Variants in ABCB7 observed in about 807,000 individuals in gnomAD.
ABCB7 encodes iron-sulfur clusters transporter ABCB7, mitochondrial.
A neutral mutation model predicts 54.4 loss-of-function variants in ABCB7; 7 were observed. That is an observed-to-expected ratio of 0.13 (90% confidence interval 0.07 to 0.24). The LOEUF (loss-of-function observed/expected upper bound fraction) is 0.24, where lower values mean the gene tolerates loss of function less well. Among genes scored for constraint, ABCB7 ranks in the 10% least tolerant of loss-of-function variants. The pLI is 1.00. For missense variants in ABCB7, 356 were observed against 570.4 expected, an observed-to-expected ratio of 0.62 and a Z score of 3.83; for synonymous variants, 218 against 207.1, an observed-to-expected ratio of 1.05 and a Z score of -0.45.
At chrX:75,128,947 C>A (rs187587489) in intron 1 of ABCB7, among the ~76,000 whole-genome samples, 181 of 111,958 alleles carry the variant, frequency 1.6e-3, no homozygotes, top group Non-Finnish European at 3.0e-3. Flanking sequence ...CAGGAAAGAA[C>A]AGATGCTGGA....
At chrX:75,075,711 A>C (rs1211137727) in intron 5 of ABCB7, 81 bp from the exon 6 acceptor site, 11 of 940,442 alleles carry the variant, frequency 1.2e-5, no homozygotes, top group Non-Finnish European at 1.3e-5. Flanking sequence ...GGCTCAGAAA[A>C]TGTTTGTACA....
intron 3 of ABCB7, among the ~76,000 whole-genome samples, chrX:75,104,963 T>C (rs1392101056): frequency 8.9e-6 from 1 of 111,936 alleles, no homozygotes; most frequent in Non-Finnish European, 1.9e-5. Flanking sequence ...TCTCAATAGA[T>C]GCAGAAAAAG....
In ABCB7 at chrX:75,134,030, A is replaced by C. The variant is rs185332653; in HGVS notation, c.169-19199T>G. 2.5e-4 allele frequency among the ~76,000 whole-genome samples: 28 copies of C among 112,461 alleles called. 1 individual carries two copies. Among genetic ancestry groups the C allele is most frequent in the Non-Finnish European group, 4.7e-4 (25 of 53,278 alleles). ...GAGTTAAATGCTACACTTATAAGGCAAACAGTGGCAAGTTGCATAAAGAAA... is the reference window on the plus strand; with the variant it reads ...GAGTTAAATGCTACACTTATAAGGCCAACAGTGGCAAGTTGCATAAAGAAA... On this transcript the variant is annotated intron_variant, in intron 1 of 15. Transcript: ENST00000373394.
intron 4 of ABCB7, among the ~76,000 whole-genome samples, chrX:75,088,875 CAAA>C (rs1249446474): frequency 1.8e-4 from 18 of 98,386 alleles, no homozygotes; most frequent in African/African-American, 5.7e-4. Context: ...ACAACAACAA[CAAA>C]AAAAAAACTC....
intron 1 of ABCB7, among the ~76,000 whole-genome samples, chrX:75,146,762 A>G (rs1332959503): frequency 8.9e-6 from 1 of 112,083 alleles, no homozygotes; most frequent in Admixed American, 9.5e-5. Context: ...GACACGGGAA[A>G]AGATTTCATG....
At chrX:75,084,030 G>A (rs1390024344) in intron 4 of ABCB7, among the ~76,000 whole-genome samples, 1 of 110,869 alleles carries the variant, frequency 9.0e-6, no homozygotes, top group Non-Finnish European at 1.9e-5. Flanking sequence ...AAGTTGAGAC[G>A]AAGGAAAGCA....
chrX:75,153,793 G>GTA (rs1387161854), intron 1 of ABCB7, among the ~76,000 whole-genome samples: 1 of 89,558 alleles, frequency 1.1e-5, no homozygotes, highest in Non-Finnish European at 2.2e-5. Context: ...ATGTGTGTGT[G>GTA]TATATACACA....
chrX:75,143,400 T>G (rs1250748597), intron 1 of ABCB7, among the ~76,000 whole-genome samples: 1 of 111,497 alleles, frequency 9.0e-6, no homozygotes. Context: ...AGCATTTTGG[T>G]CAAAGTCATT....
At chrX:75,094,043 T>C (rs1240509559) in intron 4 of ABCB7, among the ~76,000 whole-genome samples, 1 of 22,241 alleles carries the variant, frequency 4.5e-5, no homozygotes, top group Non-Finnish European at 8.1e-4. Flanking sequence ...TATATATATA[T>C]ATATATATAT....
At chrX:75,109,609 C>T (rs2081739729) in intron 3 of ABCB7, among the ~76,000 whole-genome samples, 1 of 111,483 alleles carries the variant, frequency 9.0e-6, no homozygotes, top group Non-Finnish European at 1.9e-5. Context: ...AATGTAATAC[C>T]TCATAGAATC....
intron 1 of ABCB7, among the ~76,000 whole-genome samples, chrX:75,118,218 A>G (rs749777021): frequency 1.5e-4 from 17 of 111,221 alleles, no homozygotes; most frequent in Non-Finnish European, 2.8e-4. Flanking sequence ...TGCCATCACA[A>G]TGGCAGCCTG....
intron 1 of ABCB7, among the ~76,000 whole-genome samples, chrX:75,127,939 A>C (rs1009727759): frequency 2.7e-5 from 3 of 112,012 alleles, no homozygotes; most frequent in Non-Finnish European, 5.6e-5. Context: ...CTGCTCAAGG[A>C]AATAAGAGAG....
chrX:75,092,306 C>A (rs1390695399), intron 4 of ABCB7, among the ~76,000 whole-genome samples: 1 of 110,605 alleles, frequency 9.0e-6, no homozygotes, highest in Non-Finnish European at 1.9e-5. Flanking sequence ...CACAAAGGAG[C>A]AAAGGCAACC....
At chrX:75,057,411 A>G (rs1227252911) in intron 15 of ABCB7, among the ~76,000 whole-genome samples, 4 of 107,315 alleles carry the variant, frequency 3.7e-5, no homozygotes, top group Non-Finnish European at 7.7e-5. Context: ...TTTTGGAGAC[A>G]GAGTCTCGCT....
At chrX:75,096,926 T>C (rs2081596748) in intron 4 of ABCB7, among the ~76,000 whole-genome samples, 1 of 111,370 alleles carries the variant, frequency 9.0e-6, no homozygotes, top group Admixed American at 9.5e-5. Flanking sequence ...TTACTTCTTA[T>C]CTAGACTATC....
intron 1 of ABCB7, among the ~76,000 whole-genome samples, chrX:75,154,031 T>C (rs1245098093): frequency 9.1e-6 from 1 of 110,125 alleles, no homozygotes; most frequent in East Asian, 2.8e-4. Context: ...AGTCACAAAT[T>C]TGCAGGTACC....
Position 75,051,470 on chromosome X carries a change from T to C in ABCB7, c.*1900A>G, listed in dbSNP as rs889004505. The C allele has an allele frequency of 1.8e-5, 2 of 112,243 alleles. No individual in the cohort carries two copies. The highest frequency in any genetic ancestry group is 6.5e-5 in the African/African-American group (2 of 30,914). 9.3% of individuals were successfully genotyped at this position (112,243 alleles called of 1,213,427 possible). On this transcript the variant is annotated 3_prime_UTR_variant, in exon 16 of 16. Transcript: ENST00000373394. ...TATTACATAGTTATGTGGCCATTCATGAGGTGCATATGTTTTCAAATTGAA... is the reference window on the plus strand; with the variant it reads ...TATTACATAGTTATGTGGCCATTCACGAGGTGCATATGTTTTCAAATTGAA...
chrX:75,125,543 C>T (rs774719757), intron 1 of ABCB7, among the ~76,000 whole-genome samples: 3 of 111,564 alleles, frequency 2.7e-5, no homozygotes, highest in Non-Finnish European at 3.8e-5. Context: ...CTCCCCTCAG[C>T]ATGGATGTCT....
intron 9 of ABCB7, among the ~76,000 whole-genome samples, chrX:75,070,883 T>C (rs1243827571): frequency 3.6e-5 from 4 of 110,163 alleles, no homozygotes; most frequent in Non-Finnish European, 3.8e-5. Context: ...TTGGAGAAAA[T>C]AGATATCACG....
Sources: allele counts gnomAD v4.1 joint callset (sites outside exome capture counted in the v4.1 genomes callset), GRCh38; gene constraint gnomAD v4.1.1; transcripts MANE v1.5; gene names NCBI Gene and HGNC (gene_info 2026-07-23, HGNC 2026-07-21).